Variants in NLRP2 observed in about 807,000 individuals in gnomAD.
The protein encoded by NLRP2 is NLR family pyrin domain containing 2.
A neutral mutation model predicts 97.2 loss-of-function variants in NLRP2; 107 were observed. The ratio of observed to expected loss-of-function variants is 1.10; its 90% CI spans 0.94 to 1.29. The LOEUF is 1.29. NLRP2 is among the 50% of genes most tolerant of loss of function. NLRP2 has a pLI of 0.00. For synonymous variants in NLRP2, 663 were observed against 551.5 expected (o/e 1.20, Z -2.83); for missense variants, 1,495 against 1,330.3 (o/e 1.12, Z -1.93).
rs142785605 is a variant in NLRP2, at chr19:54,983,219, G to T, written c.1521G>T (p.Gln507His). ...GCYSFIHLSFQQFLTALFYTL... is the reference protein window; with the variant it reads ...GCYSFIHLSFHQFLTALFYTL... ...ACTCCTTCATCCACCTCAGCTTCCA[G>T]CAGTTTCTCACTGCCCTGTTCTACA... Residue 507 changes from glutamine to histidine, a missense_variant, in exon 6 of 13, where the codon CAG becomes CAT. By Grantham distance (24) the Gln-to-His change is conservative. Transcript: ENST00000448584. 68 of 1,613,996 alleles carry T rather than the reference G, an allele frequency of 4.2e-5. No homozygotes were observed. The East Asian group carries it at 1.4e-3, about 34-fold the overall frequency.
At chr19:54,985,945 T>C (rs2072043847) in intron 7 of NLRP2, among the ~76,000 whole-genome samples, 1 of 151,724 alleles carries the variant, frequency 6.6e-6, no homozygotes, top group Non-Finnish European at 1.5e-5. Context: ...TGCTTTGCAG[T>C]GAGCCGAGAT....
At chr19:54,987,213 A>G (rs1187918235) in intron 8 of NLRP2, among the ~76,000 whole-genome samples, 1 of 145,268 alleles carries the variant, frequency 6.9e-6, no homozygotes, top group Non-Finnish European at 1.5e-5. Context: ...TTTATCTTCT[A>G]TCAGAGATCA....
At position 54,997,345 on chromosome 19, in the gene NLRP2, A is replaced by T; in HGVS notation, c.2908A>T (p.Ser970Cys). Residue 970 changes from serine to cysteine, a missense_variant, in exon 12 of 13, where the codon AGT (serine) becomes TGT (cysteine). Transcript: ENST00000448584. ...WLWGCSIPPF[S>C]CEDLCSALSC... ...GTGGGGATGTTCCATCCCTCCGTTC[A>T]GTTGTGAAGACCTCTGCTCTGCCCT... 6.2e-7 allele frequency: 1 copy of T among 1,613,958 alleles called. No individual in the cohort carries two copies. Among genetic ancestry groups the T allele is most frequent in the Non-Finnish European group, 8.5e-7 (1 of 1,180,018 alleles).
At chr19:54,976,089 C>G (rs563325112) in intron 3 of NLRP2, among the ~76,000 whole-genome samples, 83 of 151,876 alleles carry the variant, frequency 5.5e-4, no homozygotes, top group African/African-American at 1.7e-3. Context: ...CACTCTGTTG[C>G]CCAGGATGGA....
chr19:54,995,245 T>C (rs1452948909), intron 11 of NLRP2, among the ~76,000 whole-genome samples: 1 of 142,600 alleles, frequency 7.0e-6, no homozygotes, highest in Non-Finnish European at 1.5e-5. Flanking sequence ...GGCTGTAGTG[T>C]AATGGCGCGA....
intron 3 of NLRP2, among the ~76,000 whole-genome samples, chr19:54,975,904 C>G (rs188302573): frequency 6.6e-6 from 1 of 151,964 alleles, no homozygotes; most frequent in Non-Finnish European, 1.5e-5. Flanking sequence ...GTGTGCACTG[C>G]CACACCTGAC....
chr19:54,970,617 T>C (rs2070782811), intron 2 of NLRP2, among the ~76,000 whole-genome samples: 1 of 151,524 alleles, frequency 6.6e-6, no homozygotes, highest in African/African-American at 2.4e-5. Flanking sequence ...GATCACGCCA[T>C]TGCACCCCAG....
Position 54,982,263 on chromosome 19 carries a change from T to C in NLRP2, c.565T>C (p.Tyr189His), listed in dbSNP as rs1568492456. 1 of 1,614,090 alleles carries C rather than the reference T, an allele frequency of 6.2e-7. No homozygotes were observed. The highest frequency in any genetic ancestry group is 1.3e-5 in the African/African-American group (1 of 75,026). The change falls in exon 6 of 13, where the codon TAC becomes CAC. Residue 189 changes from tyrosine to histidine, a missense_variant. Physicochemically the swap from Tyr to His is moderately conservative, Grantham distance 83. Coordinates refer to ENST00000448584, the MANE Select transcript of NLRP2 (RefSeq NM_017852.5). Reference protein sequence around the residue: ...SKEVQVMAERYKMLIPFSNPR... With the variant: ...SKEVQVMAERHKMLIPFSNPR... The stretch of plus-strand genomic sequence containing the variant: ...AGAGGTCCAGGTTATGGCTGAGAGA[T>C]ACAAGATGCTGATCCCATTCAGCAA...
At chr19:54,970,874 GGTTA>G (rs1290446356) in intron 2 of NLRP2, among the ~76,000 whole-genome samples, 11 of 140,568 alleles carry the variant, frequency 7.8e-5, no homozygotes, top group Non-Finnish European at 1.1e-4. Context: ...ACATTGTGCA[GGTTA>G]GTTACATATG....
intron 1 of NLRP2, among the ~76,000 whole-genome samples, chr19:54,969,403 G>A (rs1032506509): frequency 4.6e-5 from 7 of 151,414 alleles, no homozygotes; most frequent in African/African-American, 1.7e-4. Context: ...GCTTGAATCC[G>A]GGAGGCAGAG....
chr19:54,997,240 C>G (rs73612055), intron 11 of NLRP2, 77 bp from the exon 12 acceptor site: 2 of 1,457,818 alleles, frequency 1.4e-6, no homozygotes, highest in Non-Finnish European at 1.9e-6. Context: ...CCCCAACACA[C>G]GAGGGTGGGC....
chr19:54,990,900 GT>G (rs34990862), intron 10 of NLRP2: 210 of 524,644 alleles, frequency 4.0e-4, no homozygotes, highest in African/African-American at 8.2e-4. Flanking sequence ...TGGTTTTCGG[GT>G]TTTTTTTTTC....
intron 2 of NLRP2, among the ~76,000 whole-genome samples, chr19:54,972,645 T>G (rs531111725): frequency 6.6e-5 from 10 of 151,910 alleles, no homozygotes; most frequent in Non-Finnish European, 1.5e-4. Flanking sequence ...TTTGTAGAGA[T>G]AGGGTTTCAC....
intron 11 of NLRP2, 35 bp from the exon 12 acceptor site, chr19:54,997,282 G>A: frequency 1.2e-6 from 2 of 1,609,342 alleles, no homozygotes; most frequent in Non-Finnish European, 1.7e-6. Flanking sequence ...ATCAGCACTG[G>A]CTGCATTAAC....
At chr19:54,974,107 A>G (rs752108162) in intron 2 of NLRP2, 14 of 778,474 alleles carry the variant, frequency 1.8e-5, no homozygotes, top group East Asian at 2.9e-5. Context: ...TGTAATCCCA[A>G]CACTTTGGGA....
chr19:54,971,104 G>A (rs1259554260), intron 2 of NLRP2, among the ~76,000 whole-genome samples: 3 of 149,622 alleles, frequency 2.0e-5, no homozygotes, highest in East Asian at 3.9e-4. Context: ...AGTTTACTGA[G>A]AATGATGGTT....
chr19:54,991,663 G>GT (rs2072484554), intron 10 of NLRP2: 1 of 152,110 alleles, frequency 6.6e-6, no homozygotes, highest in African/African-American at 2.4e-5. Context: ...GAGGTCAGGA[G>GT]TTTGAGACCA....
At position 54,977,772 on chromosome 19, in the gene NLRP2, C is replaced by T; in HGVS notation, c.346C>T (p.Pro116Ser). The T allele has an allele frequency of 6.2e-7, 1 of 1,613,658 alleles. No homozygotes were observed. Among genetic ancestry groups the T allele is most frequent in the Non-Finnish European group, 8.5e-7 (1 of 1,179,832 alleles). ...TCCAGGGATAACACGGAAAGAACGA[C>T]CACCTCTAGACGTGGACGAAATGCT... ...LSLGITRKERPPLDVDEMLER... is the reference protein window; with the variant it reads ...LSLGITRKERSPLDVDEMLER... The change falls in exon 4 of 13, where the codon CCA (proline) becomes TCA (serine). Residue 116 changes from proline (P) to serine (S), a missense_variant. Transcript: ENST00000448584.
At position 54,983,486 on chromosome 19, in the gene NLRP2, T is replaced by A. The variant is rs1376035466; in HGVS notation, c.1788T>A (p.His596Gln). ...GCGACATAAGTTGTAAGGGTGGACA[T>A]TCAACGGTGACAGACCTGCAGGAGC... is the stretch of plus-strand genomic sequence containing the variant. ...LRCDISCKGG[H>Q]STVTDLQELL... Residue 596 changes from histidine to glutamine, a missense_variant, in exon 6 of 13, where the codon CAT (histidine) becomes CAA (glutamine). Physicochemically the swap from His to Gln is conservative, Grantham distance 24 (BLOSUM62 0). Coordinates refer to ENST00000448584, the MANE Select transcript of NLRP2 (RefSeq NM_017852.5). 6.2e-7 allele frequency: 1 copy of A among 1,614,176 alleles called. No individual in the cohort carries two copies.
Sources: allele counts gnomAD v4.1 joint callset (sites outside exome capture counted in the v4.1 genomes callset), GRCh38; gene constraint gnomAD v4.1.1; transcripts MANE v1.5; gene names NCBI Gene and HGNC (gene_info 2026-07-23, HGNC 2026-07-21).